The following SPATS2 variants were observed in gnomAD, a reference collection of about 807,000 sequenced individuals.
SPATS2 encodes the protein spermatogenesis associated serine rich 2, also known as spermatogenesis-associated serine-rich protein 2.
A neutral mutation model predicts 63.7 loss-of-function variants in SPATS2; 38 were observed. The ratio of observed to expected loss-of-function variants is 0.60; its 90% confidence interval spans 0.46 to 0.78. The LOEUF is 0.78. Among genes scored for constraint, SPATS2 ranks in the 30% least tolerant of loss-of-function variants. SPATS2 has a pLI of 0.00. For missense variants in SPATS2, 588 were observed against 666.2 expected (o/e 0.88, Z 1.29); for synonymous variants, 207 against 232.9 (o/e 0.89, Z 1.01).
intron 2 of SPATS2, among the ~76,000 whole-genome samples, chr12:49,399,147 A>G (rs1449527845): frequency 2.6e-5 from 4 of 151,336 alleles, no homozygotes; most frequent in Non-Finnish European, 5.9e-5. Flanking sequence ...CTCAAAGAGC[A>G]TATAATTCTT....
intron 9 of SPATS2, chr12:49,512,894 A>G (rs1442416385): frequency 7.8e-7 from 1 of 1,289,108 alleles, no homozygotes; most frequent in East Asian, 5.5e-5. Context: ...CTTGGAGCAA[A>G]ATATTGCCAA....
At chr12:49,516,472 C>A (rs191907392) in intron 10 of SPATS2, among the ~76,000 whole-genome samples, 2,402 of 151,624 alleles carry the variant, frequency 0.016, 31 homozygotes, top group East Asian at 0.05. Flanking sequence ...CTCTGGGAGG[C>A]CGAGGCGGGC....
intron 2 of SPATS2, among the ~76,000 whole-genome samples, chr12:49,384,887 G>A (rs75279111): frequency 0.046 from 7,040 of 151,624 alleles, 374 homozygotes; most frequent in African/African-American, 0.12. Flanking sequence ...TTGGCTCACC[G>A]CAACCTTCGC....
intron 7 of SPATS2, 84 bp downstream of exon 7, chr12:49,495,086 T>C (rs573927786): frequency 7.3e-7 from 1 of 1,369,972 alleles, no homozygotes; most frequent in South Asian, 1.9e-5. Context: ...CAATTAAATC[T>C]AGTTAGTCTT....
chr12:49,370,958 C>T (rs1227521694), intron 1 of SPATS2, among the ~76,000 whole-genome samples: 1 of 152,214 alleles, frequency 6.6e-6, no homozygotes, highest in Non-Finnish European at 1.5e-5. Flanking sequence ...AAGCAATCCA[C>T]CCGCCTTGGC....
chr12:49,468,460 T>TGG (rs1945970786), intron 3 of SPATS2, among the ~76,000 whole-genome samples: 1 of 142,326 alleles, frequency 7.0e-6, no homozygotes, highest in Admixed American at 6.8e-5. Flanking sequence ...GTGCCCGGCC[T>TGG]TTTTTTTTGT....
intron 2 of SPATS2, among the ~76,000 whole-genome samples, chr12:49,440,232 C>G (rs1031162132): frequency 1.3e-5 from 2 of 152,148 alleles, no homozygotes; most frequent in African/African-American, 4.8e-5. Context: ...CAAAGTCATT[C>G]TCTAACATAA....
chr12:49,517,397 A>G (rs181873783), intron 10 of SPATS2, among the ~76,000 whole-genome samples: 1 of 152,132 alleles, frequency 6.6e-6, no homozygotes, highest in East Asian at 1.9e-4. Context: ...ACCTGGTGTA[A>G]CTCTTTAAAA....
At chr12:49,472,734 C>G (rs1029754578) in intron 3 of SPATS2, among the ~76,000 whole-genome samples, 2 of 150,554 alleles carry the variant, frequency 1.3e-5, no homozygotes, top group Non-Finnish European at 3.0e-5. Flanking sequence ...ATACCAGAAT[C>G]ACTAAAATTG....
chr12:49,436,088 C>T (rs1282367881), intron 2 of SPATS2, among the ~76,000 whole-genome samples: 1 of 152,028 alleles, frequency 6.6e-6, no homozygotes, highest in Non-Finnish European at 1.5e-5. Flanking sequence ...ATCTTTTCCC[C>T]ACCTTTACCC....
chr12:49,486,607 C>CTG (rs1403370039), intron 4 of SPATS2, among the ~76,000 whole-genome samples: 1 of 152,064 alleles, frequency 6.6e-6, no homozygotes, highest in Non-Finnish European at 1.5e-5. Context: ...GAATTACAGA[C>CTG]TGTATACCTT....
At chr12:49,468,465 T>TTTGTC (rs1945971324) in intron 3 of SPATS2, among the ~76,000 whole-genome samples, 1 of 134,962 alleles carries the variant, frequency 7.4e-6, no homozygotes, top group Non-Finnish European at 1.7e-5. Context: ...CGGCCTTTTT[T>TTTGTC]TTTGTTTTTG....
At chr12:49,511,871 T>C (rs757341048) in intron 9 of SPATS2, among the ~76,000 whole-genome samples, 11 of 152,218 alleles carry the variant, frequency 7.2e-5, no homozygotes, top group Non-Finnish European at 1.2e-4. Context: ...GATGCCAACA[T>C]TTCACTAACT....
chr12:49,476,614 G>A (rs530732504), intron 3 of SPATS2, among the ~76,000 whole-genome samples: 3 of 152,168 alleles, frequency 2.0e-5, no homozygotes, highest in Admixed American at 1.3e-4. Flanking sequence ...CCTAGACACT[G>A]CCTGTCCGTA....
chr12:49,468,463 T>TTTTTG (rs1945971190), intron 3 of SPATS2, among the ~76,000 whole-genome samples: 2 of 146,502 alleles, frequency 1.4e-5, no homozygotes, highest in Non-Finnish European at 3.0e-5. Flanking sequence ...CCCGGCCTTT[T>TTTTTG]TTTTTGTTTT....
intron 2 of SPATS2, among the ~76,000 whole-genome samples, chr12:49,413,803 C>T (rs142460534): frequency 6.6e-6 from 1 of 152,100 alleles, no homozygotes; most frequent in East Asian, 1.9e-4. Flanking sequence ...GCATCTCCCC[C>T]CATTCCCAGC....
intron 2 of SPATS2, among the ~76,000 whole-genome samples, chr12:49,403,624 CACACACACACACACACAA>C (rs1944645033): frequency 6.6e-6 from 1 of 151,230 alleles, no homozygotes; most frequent in African/African-American, 2.4e-5. Flanking sequence ...CACACACACA[CACACACACACACACACAA>C]ACAAAACTGG....
Position 49,437,003 on chromosome 12 carries a change from G to C in SPATS2, c.-243-23767G>C, listed in dbSNP as rs186222367. On this transcript the variant is annotated intron_variant, in intron 2 of 13. Transcript: ENST00000552918. Reference sequence around the variant, plus strand: ...TCCGGACTGGGGCGGCTGGCCGGGCGGGGGGCTGACCCCCACCTCCCTCCC... The same window carrying C: ...TCCGGACTGGGGCGGCTGGCCGGGCCGGGGGCTGACCCCCACCTCCCTCCC... Among the ~76,000 whole-genome samples the C allele has an allele frequency of 1.1e-3, 160 of 151,398 alleles. 1 individual carries two copies. The highest frequency in any genetic ancestry group is 3.4e-3 in the Middle Eastern group (1 of 290).
intron 2 of SPATS2, among the ~76,000 whole-genome samples, chr12:49,373,607 C>CAT (rs138821276): frequency 0.34 from 51,862 of 151,700 alleles, 12,565 homozygotes; most frequent in African/African-American, 0.69. Flanking sequence ...GCTTGGGCAA[C>CAT]AGCGAGACCC....
Sources: allele counts gnomAD v4.1 joint callset (sites outside exome capture counted in the v4.1 genomes callset), GRCh38; gene constraint gnomAD v4.1.1; transcripts MANE v1.5; gene names NCBI Gene and HGNC (gene_info 2026-07-23, HGNC 2026-07-21).